Variants in ENDOV observed in about 807,000 individuals in gnomAD.
The protein encoded by ENDOV is endonuclease V.
In ENDOV, 37 loss-of-function variants were observed where a neutral mutation model predicts 39.4. The observed-to-expected ratio is 0.94, with a 90% CI of 0.72 to 1.23. The LOEUF is 1.23. ENDOV is among the 50% of genes most tolerant of loss of function. The pLI, the probability that ENDOV is intolerant of heterozygous loss-of-function variation, is 0.00. For missense variants in ENDOV, 441 were observed against 375.7 expected (o/e 1.17, Z -1.44); for synonymous variants, 186 against 163.4 (o/e 1.14, Z -1.05).
chr17:80,417,719 T>C, intron 2 of ENDOV: 1 of 152,256 alleles, frequency 6.6e-6, no homozygotes, highest in Non-Finnish European at 1.5e-5. Context: ...CTGCTTCCTC[T>C]TGTCTTGCTG....
chr17:80,423,932 G>A (rs2082370056), intron 5 of ENDOV: 1 of 437,448 alleles, frequency 2.3e-6, no homozygotes, highest in African/African-American at 2.0e-5. Flanking sequence ...CTGGGGACAG[G>A]ACGGGCTTCC....
Position 80,429,790 on chromosome 17 carries a change from G to T in ENDOV, c.797G>T (p.Arg266Met). Reference sequence around the variant, plus strand: ...ATCACCAGGAGCCCGAAGGCGCAGAGGCCAGTGGCATGCCCCAAAGGAGAC... The same window carrying T: ...ATCACCAGGAGCCCGAAGGCGCAGATGCCAGTGGCATGCCCCAAAGGAGAC... ...PPTPRSPKAQ[R>M]PVACPKGDSG... The change falls in exon 9 of 10, where the codon AGG becomes ATG. Residue 266 changes from arginine to methionine, a missense_variant. Transcript: ENST00000518137. The T allele has an allele frequency of 6.2e-7, 1 of 1,609,200 alleles. No individual in the cohort carries two copies. Among genetic ancestry groups the T allele is most frequent in the Non-Finnish European group, 8.5e-7 (1 of 1,178,666 alleles).
chr17:80,427,340 T>C, intron 7 of ENDOV: 2 of 794,118 alleles, frequency 2.5e-6, no homozygotes, highest in Non-Finnish European at 3.1e-6. Flanking sequence ...ACAGCACAGT[T>C]CCTGGAGCTC....
intron 9 of ENDOV, 91 bp from the exon 10 acceptor site, chr17:80,436,042 A>T: frequency 1.4e-6 from 2 of 1,435,312 alleles, no homozygotes; most frequent in East Asian, 2.3e-5. Flanking sequence ...GGCGCGAGCC[A>T]CTGCACCTGG....
At position 80,415,660 on chromosome 17, in the gene ENDOV, C is replaced by T. The variant is rs200194139; in HGVS notation, c.67C>T (p.Arg23Trp). The T allele has an allele frequency of 1.9e-4, 303 of 1,612,376 alleles. 1 individual carries two copies. The highest frequency in any genetic ancestry group is 1.5e-4 in the Non-Finnish European group (177 of 1,179,296). The change falls in exon 2 of 10, where the codon CGG becomes TGG. Residue 23 changes from arginine (R) to tryptophan (W), a missense_variant. By Grantham distance (101) the Arg-to-Trp change is moderately radical. Coordinates refer to ENST00000518137, the MANE Select transcript of ENDOV (RefSeq NM_173627.5). Reference sequence around the variant, plus strand: ...CTTCTGTCCTCCTAGGGAGCAAGCTCGGCTGAAGGCCCACGTCGTAGACCG... The same window carrying T: ...CTTCTGTCCTCCTAGGGAGCAAGCTTGGCTGAAGGCCCACGTCGTAGACCG... ...TLSLWKREQA[R>W]LKAHVVDRDT... is the part of the protein sequence containing the mutation.
chr17:80,428,652 C>T lies in ENDOV; in HGVS notation c.771C>T (p.Pro257=), dbSNP rs752335503. The change falls in exon 8 of 10, where the codon CCC becomes CCT. Residue 257 remains proline, a synonymous_variant. Coordinates refer to ENST00000518137, the MANE Select transcript of ENDOV (RefSeq NM_173627.5). ...IRKSLGLPGP[P]TPRSPKAQRP... ...AGTCGCTGGGACTCCCCGGGCCACC[C>T]ACACCGAGGTGAGCACCCAGGGAGG... The T allele has an allele frequency of 4.4e-5, 70 of 1,580,358 alleles. No individual in the cohort carries two copies. In the South Asian group the frequency reaches 7.1e-4, roughly 16 times the overall value.
At chr17:80,434,636 C>T (rs2083500445) in intron 9 of ENDOV, among the ~76,000 whole-genome samples, 1 of 152,144 alleles carries the variant, frequency 6.6e-6, no homozygotes, top group South Asian at 2.1e-4. Flanking sequence ...TCTAGCCATT[C>T]CTTGGAGTAG....
At chr17:80,421,344 C>T (rs913093419) in intron 2 of ENDOV, among the ~76,000 whole-genome samples, 4 of 150,518 alleles carry the variant, frequency 2.7e-5, no homozygotes, top group Non-Finnish European at 5.9e-5. Flanking sequence ...GGACCAGGTC[C>T]TGGGGGCTCC....
intron 9 of ENDOV, among the ~76,000 whole-genome samples, chr17:80,430,946 C>A (rs545267290): frequency 1.3e-5 from 2 of 152,184 alleles, no homozygotes; most frequent in Non-Finnish European, 2.9e-5. Context: ...GGATGGCCCA[C>A]CTGCAGCCCA....
At chr17:80,433,951 A>G (rs1685808634) in intron 9 of ENDOV, among the ~76,000 whole-genome samples, 3 of 152,134 alleles carry the variant, frequency 2.0e-5, no homozygotes, top group Admixed American at 2.0e-4. Flanking sequence ...TTCCACTACA[A>G]CTCATTGACT....
At chr17:80,419,611 A>G (rs1440523571) in intron 2 of ENDOV, 8 of 702,792 alleles carry the variant, frequency 1.1e-5, no homozygotes, top group Admixed American at 2.0e-5. Context: ...GCAAAACAGA[A>G]CGGATCTTCC....
At chr17:80,415,927 G>C in intron 2 of ENDOV, 106 bp downstream of exon 2, 1 of 1,404,408 alleles carries the variant, frequency 7.1e-7, no homozygotes, top group Non-Finnish European at 9.6e-7. Context: ...TTCTCGTTTT[G>C]TAGGATGTCA....
chr17:80,429,050 TGTG>T (rs1418863709), intron 8 of ENDOV, among the ~76,000 whole-genome samples: 2 of 152,210 alleles, frequency 1.3e-5, no homozygotes, highest in Non-Finnish European at 2.9e-5. Flanking sequence ...CATAGCCAGC[TGTG>T]GCGTTTGCAC....
At chr17:80,423,457 C>A (rs978399521) in intron 4 of ENDOV, 63 bp from the exon 5 acceptor site, 14 of 1,471,382 alleles carry the variant, frequency 9.5e-6, no homozygotes, top group Admixed American at 4.1e-5. Context: ...CTGGCTTGTC[C>A]TGAATCCCTG....
intron 9 of ENDOV, among the ~76,000 whole-genome samples, chr17:80,433,790 C>T (rs1386321068): frequency 6.6e-6 from 1 of 152,188 alleles, no homozygotes; most frequent in African/African-American, 2.4e-5. Flanking sequence ...TCAGGTGGGC[C>T]TCCCCAGCTG....
intron 1 of ENDOV, 165 bp downstream of exon 1, chr17:80,415,415 T>G (rs1013750839): frequency 9.6e-7 from 1 of 1,040,956 alleles, no homozygotes; most frequent in Non-Finnish European, 1.4e-6. Context: ...TCTCAGGAAT[T>G]GTAGTCCGCG....
intron 8 of ENDOV, among the ~76,000 whole-genome samples, chr17:80,429,090 C>T (rs780580955): frequency 3.9e-5 from 6 of 152,224 alleles, no homozygotes; most frequent in Admixed American, 1.3e-4. Flanking sequence ...TCCTCATCGT[C>T]GGGATAGGCT....
At chr17:80,416,966 G>C (rs954410610) in intron 2 of ENDOV, 1 of 152,162 alleles carries the variant, frequency 6.6e-6, no homozygotes, top group Non-Finnish European at 1.5e-5. Flanking sequence ...TGTTGCCCAG[G>C]GTGGTCTCCA....
In ENDOV at chr17:80,425,031, G is replaced by A; in HGVS notation, c.517-1G>A. ...TCCCCATTTTTCCCTCCATTTTCCA[G>A]ATCCGACTCCTGCAGACTCGAGGAG... On this transcript the variant is annotated splice_acceptor_variant, in intron 5 of 9. Transcript: ENST00000518137. LOFTEE classifies it high-confidence loss of function. 6.2e-7 allele frequency: 1 copy of A among 1,612,130 alleles called. No individual in the cohort carries two copies. The highest frequency in any genetic ancestry group is 8.5e-7 in the Non-Finnish European group (1 of 1,179,170).
Sources: gnomAD v4.1 joint callset for allele counts (sites outside exome capture counted in the v4.1 genomes callset) on GRCh38, gnomAD v4.1.1 for gene constraint, MANE v1.5 for transcripts, NCBI Gene and HGNC (gene_info 2026-07-23, HGNC 2026-07-21) for gene names.